Variants in ZNF684 observed in about 807,000 individuals in gnomAD.
The protein encoded by ZNF684 is zinc finger protein 684, also known as hypothetical protein MGC27466.
Under a neutral mutation model 12.8 loss-of-function variants are expected in ZNF684, and 13 were observed. That is an observed-to-expected ratio of 1.02 (90% CI 0.66 to 1.62). The LOEUF (loss-of-function observed/expected upper bound fraction) is 1.62, where lower values mean the gene tolerates loss of function less well. Among genes scored for constraint, ZNF684 ranks in the 40% most tolerant of loss-of-function variants. ZNF684 has a pLI of 0.00. For synonymous variants in ZNF684, 118 were observed against 151.8 expected (o/e 0.78, Z 1.64); for missense variants, 384 against 446.9 (o/e 0.86, Z 1.27).
At chr1:40,534,970 G>T (rs570245770) in intron 2 of ZNF684, among the ~76,000 whole-genome samples, 1 of 152,264 alleles carries the variant, frequency 6.6e-6, no homozygotes, top group South Asian at 2.1e-4. Context: ...TCTAGCCTGG[G>T]TGACCCTGTC....
intron 2 of ZNF684, among the ~76,000 whole-genome samples, chr1:40,536,106 T>C (rs965240944): frequency 1.3e-5 from 2 of 152,140 alleles, no homozygotes; most frequent in Admixed American, 1.3e-4. Flanking sequence ...TAAAAGGACA[T>C]ATTTTAGCCG....
At chr1:40,538,498 G>A (rs916092380) in intron 2 of ZNF684, among the ~76,000 whole-genome samples, 8 of 152,150 alleles carry the variant, frequency 5.3e-5, no homozygotes, top group African/African-American at 1.7e-4. Context: ...GTGGACAAAT[G>A]TCTTGAATTC....
At chr1:40,545,893 C>G (rs1646043657) in intron 4 of ZNF684, among the ~76,000 whole-genome samples, 1 of 150,230 alleles carries the variant, frequency 6.7e-6, no homozygotes, top group African/African-American at 2.5e-5. Context: ...TTCCCTTAAT[C>G]CCTTTGCCTT....
chr1:40,540,031 G>T (rs1646006209), intron 2 of ZNF684, among the ~76,000 whole-genome samples: 1 of 151,780 alleles, frequency 6.6e-6, no homozygotes, highest in African/African-American at 2.4e-5. Context: ...TATATGATTT[G>T]CAAATATTTT....
intron 2 of ZNF684, among the ~76,000 whole-genome samples, chr1:40,533,597 T>C (rs1198629901): frequency 6.6e-6 from 1 of 152,174 alleles, no homozygotes; most frequent in Non-Finnish European, 1.5e-5. Flanking sequence ...TCCTATGACT[T>C]TCTTAGAGTA....
At chr1:40,540,776 A>G (rs1646010252) in intron 3 of ZNF684, 64 bp downstream of exon 3, 1 of 1,368,520 alleles carries the variant, frequency 7.3e-7, no homozygotes, top group Non-Finnish European at 9.6e-7. Context: ...CTCATTTTTT[A>G]AGACTTGGGA....
intron 3 of ZNF684, among the ~76,000 whole-genome samples, chr1:40,541,123 A>C (rs773995796): frequency 1.3e-5 from 2 of 150,550 alleles, no homozygotes. Flanking sequence ...AAAGATTCTG[A>C]GTCCCCTCTG....
In ZNF684 at chr1:40,540,858, A is replaced by G. The variant is rs1443298127; in HGVS notation, c.142+146A>G. 6.0e-6 allele frequency: 5 copies of G among 836,124 alleles called. No individual in the cohort carries two copies. The East Asian group carries it at 1.4e-4, about 23-fold the overall frequency. The allele number at this position is 836,124 out of a possible 1,614,324, so 51.8% of individuals were successfully genotyped here. A position where few individuals can be genotyped will look rare whatever the true frequency, so the allele number is the denominator to read the frequency against. On this transcript the variant is annotated intron_variant, in intron 3 of 4. Transcript: ENST00000372699. ...GGAGGCAGGAGAATTGCTTGAGCCC[A>G]GGATTTCAAGACCAGCCTGAGCAAC...
At chr1:40,532,674 G>A (rs1645964388) in intron 1 of ZNF684, among the ~76,000 whole-genome samples, 1 of 152,064 alleles carries the variant, frequency 6.6e-6, no homozygotes, top group Non-Finnish European at 1.5e-5. Flanking sequence ...AGTGTTCCTG[G>A]GTCCCTGAAT....
chr1:40,547,471 A>T lies in ZNF684; in HGVS notation c.*11A>T. On this transcript the variant is annotated 3_prime_UTR_variant, in exon 5 of 5. Coordinates refer to ENST00000372699, the MANE Select transcript of ZNF684 (RefSeq NM_152373.4). ...AAAATTCATACATAATATTCACTTT[A>T]TGAATATGAGAAGGCCTTATTAAAT... 6.3e-7 allele frequency: 1 copy of T among 1,577,260 alleles called. No individual in the cohort carries two copies. The highest frequency in any genetic ancestry group is 1.2e-5 in the South Asian group (1 of 85,638).
Position 40,547,596 on chromosome 1 carries a change from A to C in ZNF684, c.*136A>C. On this transcript the variant is annotated 3_prime_UTR_variant, in exon 5 of 5. Transcript: ENST00000372699. ...ATTCCCATAAAAAACAACCAATGCC[A>C]ATCATGTTCTGGAAGTGATAATAAA... 1.4e-6 allele frequency: 1 copy of C among 738,268 alleles called. No individual in the cohort carries two copies. The highest frequency in any genetic ancestry group is 2.1e-6 in the Non-Finnish European group (1 of 486,788). The allele number at this position is 738,268 out of a possible 1,614,324, so 45.7% of individuals were successfully genotyped here. A position where few individuals can be genotyped will look rare whatever the true frequency, so the allele number is the denominator to read the frequency against.
At position 40,546,786 on chromosome 1, in the gene ZNF684, G is replaced by T; in HGVS notation, c.463G>T (p.Val155Leu). ...DLLKYNRSYT[V>L]ENAYECSECG... Reference sequence around the variant, plus strand: ...ACTTAAATATAATAGAAGTTATACTGTAGAAAACGCTTATGAATGCAGTGA... The same window carrying T: ...ACTTAAATATAATAGAAGTTATACTTTAGAAAACGCTTATGAATGCAGTGA... The change falls in exon 5 of 5, where the codon GTA becomes TTA. Residue 155 changes from valine to leucine, a missense_variant. By Grantham distance (32) the Val-to-Leu change is conservative (BLOSUM62 1). Coordinates refer to ENST00000372699, the MANE Select transcript of ZNF684 (RefSeq NM_152373.4). The T allele has an allele frequency of 6.2e-7, 1 of 1,611,654 alleles. No individual in the cohort carries two copies. The highest frequency in any genetic ancestry group is 8.5e-7 in the Non-Finnish European group (1 of 1,179,434).
At chr1:40,536,576 A>T (rs992869082) in intron 2 of ZNF684, among the ~76,000 whole-genome samples, 1 of 147,304 alleles carries the variant, frequency 6.8e-6, no homozygotes, top group Non-Finnish European at 1.5e-5. Context: ...GGTTAGTTAC[A>T]TATGTATACA....
intron 4 of ZNF684, among the ~76,000 whole-genome samples, chr1:40,543,029 G>A (rs1309996226): frequency 1.3e-5 from 2 of 151,508 alleles, no homozygotes; most frequent in Non-Finnish European, 2.9e-5. Flanking sequence ...TTAGAGACAG[G>A]GTCTTACTCC....
intron 2 of ZNF684, among the ~76,000 whole-genome samples, chr1:40,535,630 T>C (rs1318481786): frequency 6.6e-6 from 1 of 152,168 alleles, no homozygotes; most frequent in Non-Finnish European, 1.5e-5. Flanking sequence ...GTTAAGGATT[T>C]TTAACTTGCA....
chr1:40,539,011 A>G (rs995162107), intron 2 of ZNF684, among the ~76,000 whole-genome samples: 1 of 151,678 alleles, frequency 6.6e-6, no homozygotes, highest in Non-Finnish European at 1.5e-5. Flanking sequence ...ATGTAGTGAG[A>G]CCCCATCTCT....
rs779804014 is a variant in ZNF684, at chr1:40,531,689, G to A, written c.-123G>A. 3.9e-5 allele frequency: 6 copies of A among 152,304 alleles called. No individual in the cohort carries two copies. Among genetic ancestry groups the A allele is most frequent in the African/African-American group, 1.4e-4 (6 of 41,478 alleles). The allele number at this position is 152,304 out of a possible 1,614,324, so 9.4% of individuals were successfully genotyped here. A position where few individuals can be genotyped will look rare whatever the true frequency, so the allele number is the denominator to read the frequency against. On this transcript the variant is annotated 5_prime_UTR_variant, in exon 1 of 5. Transcript: ENST00000372699. The stretch of plus-strand genomic sequence containing the variant: ...TTCAATCTTCAAATCAGCGCCGCGG[G>A]AAGTGCGGGCGGGTGTTGCTCCCCT...
Position 40,533,131 on chromosome 1 carries a change from C to G in ZNF684, c.-24-12C>G. On this transcript the variant is annotated splice_polypyrimidine_tract_variant and intron_variant, in intron 1 of 4. Coordinates refer to ENST00000372699, the MANE Select transcript of ZNF684 (RefSeq NM_152373.4). ...GGTCTTTCTATTCTCTTCCCCATTT[C>G]TACTTTCATAGATTTCTGTGTAAGA... 6.2e-7 allele frequency: 1 copy of G among 1,610,510 alleles called. No homozygotes were observed. The highest frequency in any genetic ancestry group is 1.1e-5 in the South Asian group (1 of 90,820).
intron 4 of ZNF684, among the ~76,000 whole-genome samples, chr1:40,541,913 G>A (rs1646018799): frequency 6.6e-6 from 1 of 152,164 alleles, no homozygotes; most frequent in Non-Finnish European, 1.5e-5. Context: ...GCTGTTGTAT[G>A]GAGGGTTGTC....
Sources: allele counts gnomAD v4.1 joint callset (sites outside exome capture counted in the v4.1 genomes callset), GRCh38; gene constraint gnomAD v4.1.1; transcripts MANE v1.5; gene names NCBI Gene and HGNC (gene_info 2026-07-23, HGNC 2026-07-21).